The following PARN variants were observed in gnomAD, a reference collection of about 807,000 sequenced individuals.
PARN encodes the protein poly(A)-specific ribonuclease, also known as poly(A)-specific ribonuclease PARN.
A neutral mutation model predicts 102.8 loss-of-function variants in PARN; 71 were observed. The ratio of observed to expected loss-of-function variants is 0.69; its 90% CI spans 0.57 to 0.84. The LOEUF (loss-of-function observed/expected upper bound fraction) is 0.84, where lower values mean the gene tolerates loss of function less well. Ranked by LOEUF, PARN falls within the 40% of genes least tolerant of loss-of-function variation. The probability of loss-of-function intolerance (pLI) is 0.00; values close to 1 mark genes in which losing one functional copy is unlikely to be tolerated. For synonymous variants in PARN, 261 were observed against 252.9 expected (o/e 1.03, Z -0.30); for missense variants, 782 against 760.9 (o/e 1.03, Z -0.33).
rs1972620620 is a variant in PARN at position 14,625,929 on chromosome 16, C to CT, written c.327+1176dup. On this transcript the variant is annotated intron_variant, in intron 5 of 23. Coordinates refer to ENST00000437198, the MANE Select transcript of PARN (RefSeq NM_002582.4). ...ATCACATAGCCACACAACCATACCC[C>CT]TTACTCACATTCTCCTTATCCATTA... is the stretch of plus-strand genomic sequence containing the variant. Among the ~76,000 whole-genome samples the CT allele has an allele frequency of 2.0e-5, 3 of 152,176 alleles. No homozygotes were observed. In the South Asian group the frequency reaches 6.2e-4, roughly 32 times the overall value.
At chr16:14,438,419 C>G (rs925902027) in intron 23 of PARN, among the ~76,000 whole-genome samples, 3 of 143,696 alleles carry the variant, frequency 2.1e-5, no homozygotes, top group Non-Finnish European at 4.5e-5. Context: ...TCTGCACCTG[C>G]CAATCTGCAC....
intron 21 of PARN, among the ~76,000 whole-genome samples, chr16:14,523,565 T>C (rs188296540): frequency 6.6e-6 from 1 of 152,246 alleles, no homozygotes; most frequent in East Asian, 1.9e-4. Context: ...CCGAACACAG[T>C]CAGAGAAGTC....
chr16:14,528,584 G>A (rs1966135733), intron 21 of PARN, among the ~76,000 whole-genome samples: 1 of 152,186 alleles, frequency 6.6e-6, no homozygotes, highest in Admixed American at 6.5e-5. Context: ...TTGACTCTGT[G>A]ATATTTTATT....
chr16:14,564,034 T>C (rs764757950), intron 18 of PARN, among the ~76,000 whole-genome samples: 4 of 152,126 alleles, frequency 2.6e-5, no homozygotes, highest in Non-Finnish European at 4.4e-5. Context: ...CACTTGCCCT[T>C]GGCCACCATG....
rs988746606 is a variant in PARN at position 14,630,248 on chromosome 16, G to T, written c.-123C>A. 4 of 858,058 alleles carry T rather than the reference G, an allele frequency of 4.7e-6. No individual in the cohort carries two copies. Among genetic ancestry groups the T allele is most frequent in the South Asian group, 1.7e-5 (1 of 58,550 alleles). The allele number at this position is 858,058 out of a possible 1,614,324, so 53.2% of individuals were successfully genotyped here. A position where few individuals can be genotyped will look rare whatever the true frequency, so the allele number is the denominator to read the frequency against. ...CAGCCGCAGCGGTGACGCCGGCCGC[G>T]ACTTCCGGAAACAGCGCGCGCCTGC... On this transcript the variant is annotated 5_prime_UTR_variant, in exon 1 of 24. Transcript: ENST00000437198.
chr16:14,564,072 C>A (rs539883559), intron 18 of PARN, among the ~76,000 whole-genome samples: 1 of 151,978 alleles, frequency 6.6e-6, no homozygotes, highest in Non-Finnish European at 1.5e-5. Context: ...TCCCACTACC[C>A]GCCCTACACA....
intron 5 of PARN, among the ~76,000 whole-genome samples, chr16:14,624,496 G>A (rs938626045): frequency 3.9e-5 from 6 of 152,212 alleles, no homozygotes; most frequent in Middle Eastern, 3.4e-3. Flanking sequence ...TTTTAAAGGA[G>A]TGGCTGGCAA....
intron 5 of PARN, among the ~76,000 whole-genome samples, chr16:14,620,756 ATC>A: frequency 6.6e-6 from 1 of 152,132 alleles, no homozygotes; most frequent in East Asian, 1.9e-4. Context: ...AGCTATACTA[ATC>A]CTGAGTTCTG....
chr16:14,558,032 C>T (rs1967808069), intron 18 of PARN, among the ~76,000 whole-genome samples: 1 of 152,192 alleles, frequency 6.6e-6, no homozygotes, highest in Admixed American at 6.5e-5. Context: ...CTAGGAATAA[C>T]TCTTGTTATT....
At chr16:14,522,947 T>C (rs1965815005) in intron 21 of PARN, among the ~76,000 whole-genome samples, 1 of 151,904 alleles carries the variant, frequency 6.6e-6, no homozygotes, top group African/African-American at 2.4e-5. Flanking sequence ...AAAGACAGAT[T>C]CTCAGACTAA....
intron 22 of PARN, among the ~76,000 whole-genome samples, chr16:14,451,907 C>T (rs910088206): frequency 7.7e-6 from 1 of 129,926 alleles, no homozygotes; most frequent in Non-Finnish European, 1.6e-5. Context: ...AAAAATTAGC[C>T]AGGCACAGTG....
intron 6 of PARN, among the ~76,000 whole-genome samples, chr16:14,613,481 C>T (rs1241980204): frequency 2.0e-5 from 3 of 151,256 alleles, no homozygotes; most frequent in South Asian, 2.1e-4. Flanking sequence ...AAATTTGCCA[C>T]GCGTGGTGCC....
At chr16:14,540,025 A>AT (rs1966781824) in intron 21 of PARN, among the ~76,000 whole-genome samples, 1 of 152,208 alleles carries the variant, frequency 6.6e-6, no homozygotes, top group Non-Finnish European at 1.5e-5. Flanking sequence ...AAATTATAGC[A>AT]TTTTATATCA....
rs34950119 is a variant in PARN at position 14,530,544 on chromosome 16, TA to T, written c.1480+21476del. 8.0e-4 allele frequency among the ~76,000 whole-genome samples: 117 copies of T among 146,648 alleles called. 1 individual carries two copies. Among genetic ancestry groups the T allele is most frequent in the South Asian group, 1.5e-3 (7 of 4,622 alleles). Reference sequence around the variant, plus strand: ...CAGAACCCTGAAAAAAAGGTTACATTAAAAAAAAAAAACTATATTATATAAG... The same window carrying T: ...CAGAACCCTGAAAAAAAGGTTACATTAAAAAAAAAAACTATATTATATAAG... On this transcript the variant is annotated intron_variant, in intron 21 of 23. Transcript: ENST00000437198.
At chr16:14,629,777 G>T in intron 1 of PARN, 103 bp from the exon 2 acceptor site, 1 of 895,296 alleles carries the variant, frequency 1.1e-6, no homozygotes, top group South Asian at 1.3e-5. Context: ...AGCCGGAAGG[G>T]GAAAAGTCCC....
intron 11 of PARN, among the ~76,000 whole-genome samples, chr16:14,603,457 C>T (rs1970999394): frequency 6.6e-6 from 1 of 152,214 alleles, no homozygotes; most frequent in East Asian, 1.9e-4. Flanking sequence ...CAACCGATGT[C>T]ACTCCAGCCA....
intron 5 of PARN, among the ~76,000 whole-genome samples, chr16:14,625,329 C>A (rs1393198570): frequency 3.9e-5 from 6 of 152,004 alleles, no homozygotes; most frequent in Non-Finnish European, 7.4e-5. Flanking sequence ...GAAGCCTCAC[C>A]TCTACCAAAA....
At chr16:14,613,673 C>T (rs768531728) in intron 6 of PARN, among the ~76,000 whole-genome samples, 12 of 152,100 alleles carry the variant, frequency 7.9e-5, no homozygotes, top group Non-Finnish European at 1.8e-4. Flanking sequence ...GTAGAAAGAA[C>T]AATGAACGTA....
At chr16:14,483,809 T>G (rs1190130380) in intron 21 of PARN, among the ~76,000 whole-genome samples, 1 of 152,194 alleles carries the variant, frequency 6.6e-6, no homozygotes, top group Non-Finnish European at 1.5e-5. Flanking sequence ...TTGAGCTACC[T>G]ATAACTGGAA....
Sources: gnomAD v4.1 joint callset for allele counts (sites outside exome capture counted in the v4.1 genomes callset) on GRCh38, gnomAD v4.1.1 for gene constraint, MANE v1.5 for transcripts, NCBI Gene and HGNC (gene_info 2026-07-23, HGNC 2026-07-21) for gene names.